ERCC6: variants seen among roughly 807,000 people sequenced by gnomAD.
ERCC6 encodes the protein DNA excision repair protein ERCC-6.
ERCC6 carries 116 observed loss-of-function variants against 158.7 expected under a neutral mutation model. The observed-to-expected ratio is 0.73, with a 90% CI of 0.63 to 0.85. The LOEUF is 0.85. Among genes scored for constraint, ERCC6 ranks in the 40% least tolerant of loss-of-function variants. The pLI is 0.00. For missense variants in ERCC6, 1,698 were observed against 1,799.4 expected (o/e 0.94, Z 1.02); for synonymous variants, 678 against 659.3 (o/e 1.03, Z -0.43).
chr10:49,448,327 T>C, the ERCC6 span, among the ~76,000 whole-genome samples: 4 of 152,324 alleles, frequency 2.6e-5, no homozygotes, highest in Non-Finnish European at 5.9e-5. Flanking sequence ...TTTTGGCCAT[T>C]TGTATATCTT....
chr10:49,461,503 C>G lies in ERCC6; in HGVS notation c.3832G>C (p.Asp1278His). The G allele has an allele frequency of 1.9e-6, 3 of 1,614,150 alleles. No homozygotes were observed. Among genetic ancestry groups the G allele is most frequent in the Non-Finnish European group, 2.5e-6 (3 of 1,180,008 alleles). Reference protein sequence around the residue: ...HDAIMDGASPDYVLVEAEANR... With the variant: ...HDAIMDGASPHYVLVEAEANR... The stretch of plus-strand genomic sequence containing the variant: ...GCTTCTGCCTCCACCAGTACATAAT[C>G]TGGGCTGGCTCCATCCATGATGGCA... Residue 1278 changes from aspartate to histidine, a missense_variant, in exon 19 of 21, where the codon GAT becomes CAT. Coordinates refer to ENST00000355832, the MANE Select transcript of ERCC6 (RefSeq NM_000124.4).
chr10:49,476,987 A>G (rs1483298255), intron 11 of ERCC6, among the ~76,000 whole-genome samples: 1 of 152,048 alleles, frequency 6.6e-6, no homozygotes, highest in African/African-American at 2.4e-5. Context: ...CTGCAGACCT[A>G]TGGTCAGTGC....
chr10:49,461,499 T>A lies in ERCC6; in HGVS notation c.3836A>T (p.Tyr1279Phe), dbSNP rs202160105. Residue 1279 changes from tyrosine (Y) to phenylalanine (F), a missense_variant, in exon 19 of 21, where the codon TAT (tyrosine) becomes TTT (phenylalanine). Transcript: ENST00000355832. Reference protein sequence around the residue: ...DAIMDGASPDYVLVEAEANRV... With the variant: ...DAIMDGASPDFVLVEAEANRV... The stretch of plus-strand genomic sequence containing the variant: ...GTTGGCTTCTGCCTCCACCAGTACA[T>A]AATCTGGGCTGGCTCCATCCATGAT... 144 of 1,614,024 alleles carry A rather than the reference T, an allele frequency of 8.9e-5. No homozygotes were observed. Among genetic ancestry groups the A allele is most frequent in the Non-Finnish European group, 1.1e-5 (13 of 1,180,012 alleles).
chr10:49,490,377 C>T, intron 8 of ERCC6, among the ~76,000 whole-genome samples: 1 of 130,462 alleles, frequency 7.7e-6, no homozygotes. Context: ...TTTTTTGAGA[C>T]AGAGTCTCGC....
intron 6 of ERCC6, 103 bp downstream of exon 6, chr10:49,505,781 G>GTAC: frequency 7.2e-7 from 1 of 1,382,134 alleles, no homozygotes; most frequent in Non-Finnish European, 1.0e-6. Flanking sequence ...ATTGCTGCAA[G>GTAC]TACCTTCAGG....
intron 8 of ERCC6, among the ~76,000 whole-genome samples, chr10:49,490,038 T>A (rs1851145630): frequency 6.6e-6 from 1 of 152,198 alleles, no homozygotes; most frequent in African/African-American, 2.4e-5. Context: ...TCACGAAATA[T>A]AATCAGAAAA....
intron 4 of ERCC6, among the ~76,000 whole-genome samples, chr10:49,526,260 T>C (rs1441659117): frequency 6.6e-6 from 1 of 151,016 alleles, no homozygotes; most frequent in African/African-American, 2.4e-5. Context: ...CTGGTGTATA[T>C]TCTTGCCATT....
intron 3 of ERCC6, among the ~76,000 whole-genome samples, 178 bp from the exon 4 acceptor site, chr10:49,528,703 T>A (rs1837398948): frequency 6.6e-6 from 1 of 152,214 alleles, no homozygotes; most frequent in South Asian, 2.1e-4. Flanking sequence ...ACTACCACTT[T>A]TCTAGGAGTA....
intron 11 of ERCC6, 129 bp downstream of exon 11, chr10:49,478,225 G>A (rs534670354): frequency 1.9e-5 from 15 of 793,970 alleles, no homozygotes; most frequent in South Asian, 8.1e-5. Context: ...ACGCCACAGC[G>A]GGCCTAGCCT....
chr10:49,533,395 T>C (rs767907732), intron 1 of ERCC6, among the ~76,000 whole-genome samples: 1 of 152,170 alleles, frequency 6.6e-6, no homozygotes, highest in Non-Finnish European at 1.5e-5. Flanking sequence ...GGAACAGCGA[T>C]GTTAGGAAAG....
At chr10:49,450,272 C>T (rs554180603), downstream of ERCC6, among the ~76,000 whole-genome samples, 273 of 152,346 alleles carry the variant, frequency 1.8e-3, 2 homozygotes, top group African/African-American at 6.4e-3. Flanking sequence ...TCTTTCCCCA[C>T]TGAATGGACT....
At chr10:49,529,556 A>T (rs1474629709) in intron 3 of ERCC6, among the ~76,000 whole-genome samples, 1 of 152,222 alleles carries the variant, frequency 6.6e-6, no homozygotes, top group Non-Finnish European at 1.5e-5. Context: ...TGCCTTGGGC[A>T]ACTGCTAGCT....
At chr10:49,480,639 A>G (rs1371804384) in intron 10 of ERCC6, among the ~76,000 whole-genome samples, 1 of 152,254 alleles carries the variant, frequency 6.6e-6, no homozygotes, top group Non-Finnish European at 1.5e-5. Context: ...ATTAATGCCA[A>G]AGGAGAAGTG....
Position 49,524,605 on chromosome 10 carries a change from CA to C in ERCC6, c.824del (p.Leu275TrpfsTer54). 4 of 1,614,182 alleles carry C rather than the reference CA, an allele frequency of 2.5e-6. No individual in the cohort carries two copies. The highest frequency in any genetic ancestry group is 3.4e-6 in the Non-Finnish European group (4 of 1,180,032). On this transcript the variant is annotated frameshift_variant, in exon 5 of 21. Transcript: ENST00000355832. LOFTEE classifies it high-confidence loss of function. Reference sequence around the variant, plus strand: ...CAAAAGACAGTTTTGCTTGATCTGCCAAATACTTTTCGAAGCCTGATGCTTC... The same window carrying C: ...CAAAAGACAGTTTTGCTTGATCTGCCAATACTTTTCGAAGCCTGATGCTTC... ...LNEASGFEKY[L>X]ADQAKLSFER...
intron 8 of ERCC6, among the ~76,000 whole-genome samples, chr10:49,486,906 G>A (rs1851088205): frequency 6.6e-6 from 1 of 152,168 alleles, no homozygotes; most frequent in Admixed American, 6.5e-5. Flanking sequence ...GCACACTTAT[G>A]AGTGTGCATA....
intron 5 of ERCC6, among the ~76,000 whole-genome samples, chr10:49,513,260 T>C (rs980165257): frequency 6.6e-6 from 1 of 152,194 alleles, no homozygotes; most frequent in Admixed American, 6.5e-5. Context: ...GTCTAACCCC[T>C]ATGCTATATA....
At chr10:49,511,480 A>T (rs1355662334) in intron 5 of ERCC6, among the ~76,000 whole-genome samples, 1 of 150,682 alleles carries the variant, frequency 6.6e-6, no homozygotes, top group Non-Finnish European at 1.5e-5. Flanking sequence ...GCTGGAGTAC[A>T]GTGGCACGAT....
At chr10:49,511,006 TATAAC>T (rs1483017698) in intron 5 of ERCC6, among the ~76,000 whole-genome samples, 2 of 149,076 alleles carry the variant, frequency 1.3e-5, no homozygotes, top group African/African-American at 5.0e-5. Flanking sequence ...TTTAGAATCT[TATAAC>T]AAAAAAAAAA....
At position 49,459,013 on chromosome 10, in the gene ERCC6, C is replaced by T; in HGVS notation, c.4284G>A (p.Leu1428=). Residue 1428 remains leucine (L), a synonymous_variant, in exon 21 of 21, where the codon CTG becomes CTA. Coordinates refer to ENST00000355832, the MANE Select transcript of ERCC6 (RefSeq NM_000124.4). ...AAGCGATGAAGTTTCTCATCTCCAC[C>T]AGAAGGTCATCGTGTTCTGTGGTGG... is the stretch of plus-strand genomic sequence containing the variant. ...LLPTTEHDDL[L]VEMRNFIAFQ... The T allele has an allele frequency of 6.2e-7, 1 of 1,614,202 alleles. No individual in the cohort carries two copies. Among genetic ancestry groups the T allele is most frequent in the Non-Finnish European group, 8.5e-7 (1 of 1,180,046 alleles).
Sources: gnomAD v4.1 joint callset for allele counts (sites outside exome capture counted in the v4.1 genomes callset) on GRCh38, gnomAD v4.1.1 for gene constraint, MANE v1.5 for transcripts, NCBI Gene and HGNC (gene_info 2026-07-23, HGNC 2026-07-21) for gene names.